The following GLIS3 variants were observed in gnomAD, a reference collection of about 807,000 sequenced individuals.
The protein encoded by GLIS3 is zinc finger protein GLIS3.
In GLIS3, 53 loss-of-function variants were observed where a neutral mutation model predicts 78.6. The ratio of observed to expected loss-of-function variants is 0.67; its 90% CI spans 0.54 to 0.85. The LOEUF (loss-of-function observed/expected upper bound fraction) is 0.85. GLIS3 is among the 40% of genes least tolerant of loss of function. The probability of loss-of-function intolerance (pLI) is 0.00; values close to 1 mark genes in which losing one functional copy is unlikely to be tolerated. For synonymous variants in GLIS3, 684 were observed against 509.9 expected, an observed-to-expected ratio of 1.34 and a Z score of -4.60; for missense variants, 1,703 against 1,231.1, an observed-to-expected ratio of 1.38 and a Z score of -5.74.
the GLIS3 span, among the ~76,000 whole-genome samples, chr9:4,474,985 A>ACT: frequency 8.7e-6 from 1 of 114,490 alleles, no homozygotes; most frequent in African/African-American, 3.5e-5. Flanking sequence ...GACTATGTTA[A>ACT]TTTTTTTTTC....
chr9:3,931,177 A>G (rs1306788049), intron 6 of GLIS3, among the ~76,000 whole-genome samples: 1 of 152,132 alleles, frequency 6.6e-6, no homozygotes, highest in African/African-American at 2.4e-5. Context: ...AATTAAGACT[A>G]TCTATCAAAT....
At chr9:4,105,843 T>C (rs2130820242) in intron 4 of GLIS3, among the ~76,000 whole-genome samples, 1 of 152,240 alleles carries the variant, frequency 6.6e-6, no homozygotes, top group African/African-American at 2.4e-5. Context: ...ATCTGGCCTT[T>C]CCAGGACACA....
At position 3,908,709 on chromosome 9, in the gene GLIS3, T is replaced by TTG. The variant is rs1202055554; in HGVS notation, c.1984-9875_1984-9874insCA. Among the ~76,000 whole-genome samples, 4 of 107,238 alleles carry TTG rather than the reference T, an allele frequency of 3.7e-5. No homozygotes were observed. In the East Asian group the frequency reaches 9.1e-4, roughly 24 times the overall value. The allele number at this position is 107,238 out of a possible 152,430, so 70.4% of individuals were successfully genotyped here. A position where few individuals can be genotyped will look rare whatever the true frequency, so the allele number is the denominator to read the frequency against. Reference sequence around the variant, plus strand: ...CCATCAATTGTGATTTGTATTTGTTTTTTTTTTTTTTTTTTTTTTGTACAG... The same window carrying TTG: ...CCATCAATTGTGATTTGTATTTGTTTTGTTTTTTTTTTTTTTTTTTTGTACAG... On this transcript the variant is annotated intron_variant, in intron 6 of 10. Transcript: ENST00000381971.
chr9:4,019,453 A>C (rs2130126917), intron 4 of GLIS3, among the ~76,000 whole-genome samples: 1 of 152,290 alleles, frequency 6.6e-6, no homozygotes, highest in Non-Finnish European at 1.5e-5. Context: ...TCACACCATA[A>C]ATATGCTCAC....
At chr9:4,145,119 A>G (rs545884103) in intron 2 of GLIS3, 3 of 152,230 alleles carry the variant, frequency 2.0e-5, no homozygotes, top group Non-Finnish European at 4.4e-5. Context: ...AGGATCTGTG[A>G]TTTTAGACTT....
chr9:3,827,852 A>G lies in GLIS3; in HGVS notation c.*420T>C, dbSNP rs1430486281. 2.5e-5 allele frequency: 7 copies of G among 281,838 alleles called. No individual in the cohort carries two copies. Among genetic ancestry groups the G allele is most frequent in the Non-Finnish European group, 4.8e-5 (7 of 144,596 alleles). 17.5% of individuals were successfully genotyped at this position (281,838 alleles called of 1,614,324 possible). A position where few individuals can be genotyped will look rare whatever the true frequency, so the allele number is the denominator to read the frequency against. ...TGCATCAGGAGCAGCAAGGGTGAGGATTAGGTGAGGCAGGTCACTATGCCT... is the reference window on the plus strand; with the variant it reads ...TGCATCAGGAGCAGCAAGGGTGAGGGTTAGGTGAGGCAGGTCACTATGCCT... On this transcript the variant is annotated 3_prime_UTR_variant, in exon 11 of 11. Transcript: ENST00000381971.
At chr9:4,162,375 C>T (rs1044604824) in intron 2 of GLIS3, among the ~76,000 whole-genome samples, 1 of 152,168 alleles carries the variant, frequency 6.6e-6, no homozygotes, top group Non-Finnish European at 1.5e-5. Flanking sequence ...GGATATCTTT[C>T]AAGCAAGTGT....
chr9:3,905,140 A>ATTT (rs369063136), intron 6 of GLIS3, among the ~76,000 whole-genome samples: 10,460 of 108,786 alleles, frequency 0.096, 559 homozygotes, highest in East Asian at 0.18. Context: ...GCCCGGTTAA[A>ATTT]TTTTTTTCTT....
At chr9:4,420,788 T>C in the GLIS3 span, among the ~76,000 whole-genome samples, 1 of 152,136 alleles carries the variant, frequency 6.6e-6, no homozygotes, top group Non-Finnish European at 1.5e-5. Flanking sequence ...GTATATAACA[T>C]AGAAAGATGG....
the GLIS3 span, among the ~76,000 whole-genome samples, chr9:4,467,873 A>C: frequency 3.0e-4 from 45 of 152,346 alleles, no homozygotes; most frequent in Middle Eastern, 3.4e-3. Flanking sequence ...CCCATCACAA[A>C]GAAGCTAAAA....
At chr9:4,126,299 A>G (rs576779550) in intron 2 of GLIS3, among the ~76,000 whole-genome samples, 16 of 152,336 alleles carry the variant, frequency 1.1e-4, no homozygotes, top group Non-Finnish European at 2.1e-4. Flanking sequence ...AGAATAGCTA[A>G]TATCTTGAAT....
chr9:4,329,700 T>C (rs1333299895), intron 2 of GLIS3, among the ~76,000 whole-genome samples: 2 of 152,116 alleles, frequency 1.3e-5, no homozygotes, highest in East Asian at 1.9e-4. Flanking sequence ...CCACCTGATA[T>C]GCGAACCTCC....
At chr9:4,399,238 T>C in the GLIS3 span, among the ~76,000 whole-genome samples, 1 of 152,200 alleles carries the variant, frequency 6.6e-6, no homozygotes, top group Non-Finnish European at 1.5e-5. Flanking sequence ...TCACTCTACA[T>C]TATATGTATC....
intron 2 of GLIS3, among the ~76,000 whole-genome samples, chr9:4,317,480 G>C (rs950756996): frequency 5.9e-5 from 9 of 152,226 alleles, no homozygotes; most frequent in African/African-American, 2.2e-4. Flanking sequence ...TTAGGAAGCA[G>C]ATGTCTTTTT....
the GLIS3 span, among the ~76,000 whole-genome samples, chr9:4,358,535 C>G: frequency 6.6e-6 from 1 of 152,104 alleles, no homozygotes; most frequent in African/African-American, 2.4e-5. Context: ...TATGTTCCAG[C>G]ACGTTTCTAG....
At chr9:4,353,606 C>T in the GLIS3 span, among the ~76,000 whole-genome samples, 1 of 152,060 alleles carries the variant, frequency 6.6e-6, no homozygotes, top group Non-Finnish European at 1.5e-5. Flanking sequence ...TATCTCTCAG[C>T]GGGTCCAAAG....
chr9:4,470,732 T>C, the GLIS3 span, among the ~76,000 whole-genome samples: 26 of 151,794 alleles, frequency 1.7e-4, no homozygotes, highest in Non-Finnish European at 3.4e-4. Flanking sequence ...CTATTCAACA[T>C]AGTGTTGGAA....
chr9:3,863,234 G>C (rs1820341540), intron 8 of GLIS3, among the ~76,000 whole-genome samples: 1 of 152,168 alleles, frequency 6.6e-6, no homozygotes, highest in Admixed American at 6.5e-5. Context: ...GGTGACTATA[G>C]TATCTACTTA....
chr9:4,348,243 T>A (rs1340904446), exon 1 of GLIS3: 6 of 152,196 alleles, frequency 3.9e-5, no homozygotes, highest in African/African-American at 7.2e-5. Flanking sequence ...TGAAAGAAAT[T>A]CAGAAATAGG....
Sources: allele counts gnomAD v4.1 joint callset (sites outside exome capture counted in the v4.1 genomes callset), GRCh38; gene constraint gnomAD v4.1.1; transcripts MANE v1.5; gene names NCBI Gene and HGNC (gene_info 2026-07-23, HGNC 2026-07-21).